The following CFAP58 variants were observed in gnomAD, a reference collection of about 807,000 sequenced individuals.
CFAP58 encodes cilia- and flagella-associated protein 58.
Under a neutral mutation model 119.5 loss-of-function variants are expected in CFAP58, and 88 were observed. The ratio of observed to expected loss-of-function variants is 0.74; its 90% CI spans 0.62 to 0.88. CFAP58 has a LOEUF of 0.88. CFAP58 is among the 40% of genes least tolerant of loss of function. The pLI, the probability that CFAP58 is intolerant of heterozygous loss-of-function variation, is 0.00. For synonymous variants in CFAP58, 365 were observed against 366.3 expected (o/e 1.00, Z 0.04); for missense variants, 990 against 1,021.2 (o/e 0.97, Z 0.42).
chr10:104,374,194 T>C (rs1460731258), intron 7 of CFAP58, among the ~76,000 whole-genome samples: 1 of 151,940 alleles, frequency 6.6e-6, no homozygotes, highest in African/African-American at 2.4e-5. Flanking sequence ...GAGTGGTGGC[T>C]CACGCCTATA....
intron 9 of CFAP58, among the ~76,000 whole-genome samples, chr10:104,390,459 C>T (rs1253198923): frequency 6.6e-6 from 1 of 152,174 alleles, no homozygotes; most frequent in Non-Finnish European, 1.5e-5. Flanking sequence ...TCTATTTACT[C>T]ATTGAATAAC....
At chr10:104,367,809 C>G (rs988477605) in intron 5 of CFAP58, among the ~76,000 whole-genome samples, 1 of 152,158 alleles carries the variant, frequency 6.6e-6, no homozygotes, top group Non-Finnish European at 1.5e-5. Flanking sequence ...AGATATAATC[C>G]TTTGTTTTTA....
intron 9 of CFAP58, among the ~76,000 whole-genome samples, chr10:104,382,976 G>C (rs2011848386): frequency 6.6e-6 from 1 of 152,204 alleles, no homozygotes; most frequent in Non-Finnish European, 1.5e-5. Context: ...CCAATCCAGG[G>C]ATGCCAGCTG....
chr10:104,381,779 C>T (rs76697529), intron 9 of CFAP58, among the ~76,000 whole-genome samples: 2,451 of 152,276 alleles, frequency 0.016, 78 homozygotes, highest in East Asian at 0.14. Context: ...GGAAGGGCTA[C>T]TGGAGGAGCA....
chr10:104,454,606 C>A lies in CFAP58; in HGVS notation c.*76C>A. 9.3e-7 allele frequency: 1 copy of A among 1,070,908 alleles called. No individual in the cohort carries two copies. Among genetic ancestry groups the A allele is most frequent in the African/African-American group, 1.6e-5 (1 of 63,840 alleles). 66.3% of individuals were successfully genotyped at this position (1,070,908 alleles called of 1,614,324 possible). On this transcript the variant is annotated 3_prime_UTR_variant, in exon 18 of 18. Coordinates refer to ENST00000369704, the MANE Select transcript of CFAP58 (RefSeq NM_001008723.2). ...GGACATTTTGGGGGAATCTCAAAGTCCTTGGATCATAGAACTGAGTGCTGA... is the reference window on the plus strand; with the variant it reads ...GGACATTTTGGGGGAATCTCAAAGTACTTGGATCATAGAACTGAGTGCTGA...
chr10:104,358,599 A>G lies in CFAP58; in HGVS notation c.268A>G (p.Thr90Ala), dbSNP rs1257532724. The G allele has an allele frequency of 6.2e-7, 1 of 1,612,964 alleles. No homozygotes were observed. Among genetic ancestry groups the G allele is most frequent in the African/African-American group, 1.3e-5 (1 of 74,862 alleles). The change falls in exon 2 of 18, where the codon ACC becomes GCC. Residue 90 changes from threonine (T) to alanine (A), a missense_variant. Transcript: ENST00000369704. ...CCTTAAGCTCTCTCAGGATGATCAG[A>G]CCACCATTGCATCCCTAAAGAAGGT... ...TALKLSQDDQ[T>A]TIASLKKEIE... is the part of the protein sequence containing the mutation.
intron 8 of CFAP58, among the ~76,000 whole-genome samples, chr10:104,377,880 A>G (rs1354509639): frequency 6.6e-6 from 1 of 152,220 alleles, no homozygotes; most frequent in East Asian, 1.9e-4. Flanking sequence ...CTTCTTGGAC[A>G]ATCTTGGAAA....
rs898203569 is a variant in CFAP58 at position 104,398,262 on chromosome 10, C to T, written c.1675-1098C>T. 3.3e-5 allele frequency among the ~76,000 whole-genome samples: 5 copies of T among 152,222 alleles called. No individual in the cohort carries two copies. The South Asian group carries it at 1.0e-3, about 32-fold the overall frequency. ...TCAATGGATGGCGAATCCCTCAAGTCTTGCTTATCTTCTATATTTAATTTG... is the reference window on the plus strand; with the variant it reads ...TCAATGGATGGCGAATCCCTCAAGTTTTGCTTATCTTCTATATTTAATTTG... On this transcript the variant is annotated intron_variant, in intron 11 of 17. Coordinates refer to ENST00000369704, the MANE Select transcript of CFAP58 (RefSeq NM_001008723.2).
At chr10:104,390,235 A>G (rs2012005066) in intron 9 of CFAP58, among the ~76,000 whole-genome samples, 1 of 152,234 alleles carries the variant, frequency 6.6e-6, no homozygotes. Flanking sequence ...GTTAATGCCC[A>G]TCAGTGGAGA....
At chr10:104,349,322 G>T (rs1441136875), upstream of CFAP58, among the ~76,000 whole-genome samples, 1 of 151,942 alleles carries the variant, frequency 6.6e-6, no homozygotes. Context: ...AGTTATGGAG[G>T]TTAGAAGTCC....
rs1412423959 is a variant in CFAP58 at position 104,380,063 on chromosome 10, A to G, written c.1208A>G (p.Gln403Arg). ...MLKAVNATQK[Q>R]TDLVKLHEQA... is the part of the protein sequence containing the mutation. ...AAGGCGGTCAATGCGACCCAGAAGC[A>G]GACAGACTTGGTAAAGCTCCATGAA... The change falls in exon 9 of 18, where the codon CAG (glutamine) becomes CGG (arginine). Residue 403 changes from glutamine (Q) to arginine (R), a missense_variant. By Grantham distance (43) the Gln-to-Arg change is conservative. Coordinates refer to ENST00000369704, the MANE Select transcript of CFAP58 (RefSeq NM_001008723.2). 1.2e-6 allele frequency: 2 copies of G among 1,614,042 alleles called. No individual in the cohort carries two copies. Among genetic ancestry groups the G allele is most frequent in the Non-Finnish European group, 1.7e-6 (2 of 1,179,994 alleles).
intron 15 of CFAP58, among the ~76,000 whole-genome samples, chr10:104,445,553 T>C (rs1317261963): frequency 1.3e-5 from 2 of 152,196 alleles, no homozygotes; most frequent in African/African-American, 2.4e-5. Flanking sequence ...CTAATGTGGC[T>C]TTGAACCTGA....
At chr10:104,442,908 T>C (rs2013061457) in intron 15 of CFAP58, among the ~76,000 whole-genome samples, 2 of 152,366 alleles carry the variant, frequency 1.3e-5, no homozygotes, top group Non-Finnish European at 2.9e-5. Context: ...GAAGATGTTA[T>C]TGAATGGTTT....
chr10:104,442,090 T>C (rs1331889472), intron 15 of CFAP58, among the ~76,000 whole-genome samples: 1 of 152,184 alleles, frequency 6.6e-6, no homozygotes, highest in Non-Finnish European at 1.5e-5. Context: ...TTGCTTAGAA[T>C]TTTAAATGTA....
At chr10:104,346,424 T>C in the CFAP58 span, among the ~76,000 whole-genome samples, 4 of 152,066 alleles carry the variant, frequency 2.6e-5, no homozygotes, top group African/African-American at 9.7e-5. Context: ...CATAGCTCAC[T>C]GTAACCTCAA....
chr10:104,357,900 T>C lies in CFAP58; in HGVS notation c.10-441T>C, dbSNP rs566545760. On this transcript the variant is annotated intron_variant, in intron 1 of 17. Transcript: ENST00000369704. ...ATGTACACATATATAAACATATATG[T>C]ACACATATACACACATATATGTACA... Among the ~76,000 whole-genome samples, 128 of 100,466 alleles carry C rather than the reference T, an allele frequency of 1.3e-3. 5 individuals are homozygous for C. Among genetic ancestry groups the C allele is most frequent in the African/African-American group, 2.7e-3 (38 of 14,202 alleles). 65.9% of individuals were successfully genotyped at this position (100,466 alleles called of 152,430 possible).
At chr10:104,393,897 C>A (rs1459880560) in intron 11 of CFAP58, among the ~76,000 whole-genome samples, 1 of 152,160 alleles carries the variant, frequency 6.6e-6, no homozygotes, top group African/African-American at 2.4e-5. Flanking sequence ...TGCTTTGTAC[C>A]TCTGTTTTTT....
chr10:104,429,966 G>A (rs1564902188), intron 15 of CFAP58, among the ~76,000 whole-genome samples: 1 of 152,004 alleles, frequency 6.6e-6, no homozygotes, highest in Non-Finnish European at 1.5e-5. Context: ...GGAGGGGTCT[G>A]CACCTGCAGA....
chr10:104,422,351 TCTGACCCTTTAGTTA>T (rs1199998262), intron 15 of CFAP58, among the ~76,000 whole-genome samples: 2 of 152,246 alleles, frequency 1.3e-5, no homozygotes, highest in Non-Finnish European at 2.9e-5. Flanking sequence ...TTCCATGGTG[TCTGACCCTTTAGTTA>T]CTGTGCCCAT....
Sources: allele counts gnomAD v4.1 joint callset (sites outside exome capture counted in the v4.1 genomes callset), GRCh38; gene constraint gnomAD v4.1.1; transcripts MANE v1.5; gene names NCBI Gene and HGNC (gene_info 2026-07-23, HGNC 2026-07-21).